The following GPHN variants were observed in gnomAD, a reference collection of about 807,000 sequenced individuals.
The protein encoded by GPHN is gephyrin.
Under a neutral mutation model 95.5 loss-of-function variants are expected in GPHN, and 17 were observed. The ratio of observed to expected loss-of-function variants is 0.18; its 90% CI spans 0.12 to 0.27. GPHN has a LOEUF of 0.27. GPHN is among the 10% of genes least tolerant of loss of function. GPHN has a pLI of 1.00. For synonymous variants in GPHN, 320 were observed against 322.5 expected, an observed-to-expected ratio of 0.99 and a Z score of 0.08; for missense variants, 660 against 978.1, an observed-to-expected ratio of 0.67 and a Z score of 4.34.
the GPHN span, among the ~76,000 whole-genome samples, chr14:67,627,778 TAA>T: frequency 1.5e-3 from 229 of 152,302 alleles, 2 homozygotes; most frequent in African/African-American, 5.2e-3. Flanking sequence ...CTACATTTTT[TAA>T]GAGTCTATTT....
At chr14:67,220,339 A>G in the GPHN span, among the ~76,000 whole-genome samples, 1 of 152,082 alleles carries the variant, frequency 6.6e-6, no homozygotes, top group Middle Eastern at 3.2e-3. Context: ...GTTACTCAGG[A>G]GGCTGAGGCA....
At chr14:66,850,837 G>C (rs892118296) in intron 4 of GPHN, among the ~76,000 whole-genome samples, 1 of 152,046 alleles carries the variant, frequency 6.6e-6, no homozygotes, top group East Asian at 1.9e-4. Context: ...GGTTAGGAAA[G>C]TTACATTTCA....
At chr14:66,722,444 T>G (rs1595690613) in intron 2 of GPHN, among the ~76,000 whole-genome samples, 1 of 152,038 alleles carries the variant, frequency 6.6e-6, no homozygotes, top group African/African-American at 2.4e-5. Context: ...TTTGTTTGTT[T>G]GTTTTTTGTT....
At chr14:67,615,339 C>T in the GPHN span, 1 of 154,444 alleles carries the variant, frequency 6.5e-6, no homozygotes, top group African/African-American at 2.4e-5. Flanking sequence ...TTTTGTTTTG[C>T]TTTGAGTTGC....
intron 3 of GPHN, among the ~76,000 whole-genome samples, chr14:66,822,568 A>C (rs2061239756): frequency 6.6e-6 from 1 of 152,232 alleles, no homozygotes; most frequent in Non-Finnish European, 1.5e-5. Flanking sequence ...AATACATGGT[A>C]GGTACTTCAT....
intron 3 of GPHN, among the ~76,000 whole-genome samples, chr14:66,781,628 G>T (rs180844735): frequency 2.0e-5 from 3 of 152,206 alleles, no homozygotes; most frequent in East Asian, 3.9e-4. Flanking sequence ...AACTTCATAT[G>T]AATTAAATCA....
the GPHN span, among the ~76,000 whole-genome samples, chr14:67,276,772 A>G: frequency 6.6e-6 from 1 of 152,200 alleles, no homozygotes; most frequent in Admixed American, 6.5e-5. Context: ...TTGGATCCAG[A>G]TATACAAGTA....
rs553291093 is a variant in GPHN at position 67,175,477 on chromosome 14, A to G, written c.2080-4101A>G. ...CCAGTATCATGCTGTTTTGGTTACT[A>G]TAGCATTGTAGTATAGTTTGCAGTC... is the stretch of plus-strand genomic sequence containing the variant. On this transcript the variant is annotated intron_variant, in intron 21 of 22. Coordinates refer to ENST00000478722, the MANE Select transcript of GPHN (RefSeq NM_020806.5). 5.3e-5 allele frequency among the ~76,000 whole-genome samples: 8 copies of G among 152,198 alleles called. No individual in the cohort carries two copies. In the South Asian group the frequency reaches 6.2e-4, roughly 12 times the overall value.
chr14:67,333,086 G>C, the GPHN span: 1 of 765,690 alleles, frequency 1.3e-6, no homozygotes, highest in Non-Finnish European at 2.0e-6. Flanking sequence ...TCTGTTCTTA[G>C]ATCTCTTGAA....
intron 11 of GPHN, among the ~76,000 whole-genome samples, chr14:67,087,640 A>T (rs1256723792): frequency 1.3e-5 from 2 of 152,134 alleles, no homozygotes; most frequent in African/African-American, 4.8e-5. Context: ...TTCAGAATAG[A>T]AATTTGAACA....
At chr14:66,566,023 T>A (rs1216202267) in intron 1 of GPHN, among the ~76,000 whole-genome samples, 2 of 151,990 alleles carry the variant, frequency 1.3e-5, no homozygotes, top group Non-Finnish European at 2.9e-5. Flanking sequence ...TTCTTTCTTA[T>A]ACTATCAGTT....
At chr14:67,723,492 C>G in the GPHN span, among the ~76,000 whole-genome samples, 1 of 152,172 alleles carries the variant, frequency 6.6e-6, no homozygotes, top group African/African-American at 2.4e-5. Flanking sequence ...ACGTTGGCCT[C>G]CCAAGATGTT....
chr14:67,279,549 T>TA, the GPHN span: 2 of 1,517,454 alleles, frequency 1.3e-6, no homozygotes, highest in Non-Finnish European at 1.8e-6. Context: ...TAAGTAAAAA[T>TA]AGAGGTATAA....
chr14:66,774,575 T>C (rs183696752), intron 2 of GPHN, among the ~76,000 whole-genome samples: 1 of 152,334 alleles, frequency 6.6e-6, no homozygotes, highest in Non-Finnish European at 1.5e-5. Flanking sequence ...CCTATGTATA[T>C]TTTTTCTCTC....
chr14:66,508,332 C>T lies in GPHN; in HGVS notation c.-196C>T, dbSNP rs2057870756. 5 of 622,734 alleles carry T rather than the reference C, an allele frequency of 8.0e-6. No individual in the cohort carries two copies. Among genetic ancestry groups the T allele is most frequent in the Non-Finnish European group, 1.1e-5 (4 of 348,720 alleles). The allele number at this position is 622,734 out of a possible 1,614,324, so 38.6% of individuals were successfully genotyped here. A position where few individuals can be genotyped will look rare whatever the true frequency, so the allele number is the denominator to read the frequency against. On this transcript the variant is annotated 5_prime_UTR_variant, in exon 1 of 23. Coordinates refer to ENST00000478722, the MANE Select transcript of GPHN (RefSeq NM_020806.5). ...CCTGACTCCTTCCCCTCCCGCGGAC[C>T]CGCGCACTCCCGGCGCGGCCTCTCC...
intron 10 of GPHN, among the ~76,000 whole-genome samples, chr14:67,041,287 A>G (rs1260313782): frequency 6.6e-6 from 1 of 151,730 alleles, no homozygotes; most frequent in Admixed American, 6.6e-5. Flanking sequence ...TTACATAGGT[A>G]TACACGTGCC....
At chr14:67,473,510 G>A in the GPHN span, 24 of 1,614,196 alleles carry the variant, frequency 1.5e-5, no homozygotes, top group Non-Finnish European at 1.9e-5. This position sits in a 1 kb window ranked among gnomAD's most constrained non-coding sequence, Gnocchi z 6.5. Flanking sequence ...GGCGGAGGGT[G>A]TTGCGGATGA....
At chr14:67,025,365 A>T (rs921202613) in intron 10 of GPHN, among the ~76,000 whole-genome samples, 1 of 152,122 alleles carries the variant, frequency 6.6e-6, no homozygotes, top group Admixed American at 6.5e-5. Flanking sequence ...CTGAAAACCA[A>T]GTTTCAGGTT....
the GPHN span, among the ~76,000 whole-genome samples, chr14:67,672,265 T>C: frequency 1.3e-5 from 2 of 150,476 alleles, no homozygotes; most frequent in Non-Finnish European, 3.0e-5. Context: ...ACTACAGGCA[T>C]GCACCACCAT....
Sources: gnomAD v4.1 joint callset for allele counts (sites outside exome capture counted in the v4.1 genomes callset) on GRCh38, gnomAD v4.1.1 for gene constraint, Gnocchi (gnomAD v3.1) non-coding constraint, MANE v1.5 for transcripts, NCBI Gene and HGNC (gene_info 2026-07-23, HGNC 2026-07-21) for gene names.